MTFR1: variants seen among roughly 807,000 people sequenced by gnomAD.
The protein encoded by MTFR1 is chondrocyte protein with a poly-proline region.
In MTFR1, 28 loss-of-function variants were observed where a neutral mutation model predicts 38.8. The ratio of observed to expected loss-of-function variants is 0.72; its 90% CI spans 0.53 to 0.99. The LOEUF is 0.99. Ranked by LOEUF, MTFR1 falls within the 50% of genes least tolerant of loss-of-function variation. MTFR1 has a pLI of 0.00. For missense variants in MTFR1, 358 were observed against 395.5 expected, an observed-to-expected ratio of 0.91 and a Z score of 0.81; for synonymous variants, 145 against 137.0, an observed-to-expected ratio of 1.06 and a Z score of -0.41.
At chr8:65,700,360 AAAAAAAG>A (rs1045443488) in intron 4 of MTFR1, among the ~76,000 whole-genome samples, 26 of 151,408 alleles carry the variant, frequency 1.7e-4, no homozygotes, top group South Asian at 4.2e-4. Flanking sequence ...AAAAAAAAAA[AAAAAAAG>A]AAAAAAGAAA....
Position 65,673,900 on chromosome 8 carries a change from C to T in MTFR1, c.66+3882C>T, listed in dbSNP as rs369224551. Among the ~76,000 whole-genome samples the T allele has an allele frequency of 1.4e-4, 21 of 151,458 alleles. No homozygotes were observed. In the South Asian group the frequency reaches 4.0e-3, roughly 29 times the overall value. ...CAGCCTGGGCAACAGAGCAAGACCC[C>T]GTCTCAAAAAAAAAATAGTAATGCA... On this transcript the variant is annotated intron_variant, in intron 2 of 7. Coordinates refer to ENST00000262146, the MANE Select transcript of MTFR1 (RefSeq NM_014637.4).
intron 1 of MTFR1, among the ~76,000 whole-genome samples, chr8:65,655,009 G>A (rs950337166): frequency 1.3e-5 from 2 of 152,176 alleles, no homozygotes; most frequent in Non-Finnish European, 2.9e-5. Flanking sequence ...TGACTGCCAA[G>A]TACTTTATTT....
At chr8:65,684,338 C>T (rs867921280) in intron 3 of MTFR1, among the ~76,000 whole-genome samples, 7 of 151,518 alleles carry the variant, frequency 4.6e-5, no homozygotes, top group East Asian at 1.9e-4. Context: ...TAGTGAGAGA[C>T]GGAAGCCATT....
rs767130826 is a variant in MTFR1, at chr8:65,707,899, T to A, written c.821T>A (p.Ile274Lys). ...PVDATDPAAL[I>K]AEALKKKFAY... ...GATGCTACTGACCCTGCTGCCCTCA[T>A]AGCAGAGGCTCTGAAAAAGAAATTT... The change falls in exon 7 of 8, where the codon ATA (isoleucine) becomes AAA (lysine). Residue 274 changes from isoleucine to lysine, a missense_variant. Ile to Lys is a moderately radical substitution (Grantham distance 102). Coordinates refer to ENST00000262146, the MANE Select transcript of MTFR1 (RefSeq NM_014637.4). 4.2e-5 allele frequency: 68 copies of A among 1,614,022 alleles called. No homozygotes were observed. The highest frequency in any genetic ancestry group is 5.8e-5 in the Non-Finnish European group (68 of 1,180,012).
intron 3 of MTFR1, among the ~76,000 whole-genome samples, chr8:65,745,713 T>C (rs1807643176): frequency 6.6e-6 from 1 of 152,256 alleles, no homozygotes; most frequent in Non-Finnish European, 1.5e-5. Context: ...AGGAAGGTTA[T>C]GTTTCCCAGC....
chr8:65,755,592 C>T (rs1342837881), intron 3 of MTFR1, among the ~76,000 whole-genome samples: 1 of 152,138 alleles, frequency 6.6e-6, no homozygotes, highest in Non-Finnish European at 1.5e-5. Context: ...GTGCCCATTA[C>T]CACAGACATA....
chr8:65,727,115 G>C (rs951174761), intron 3 of MTFR1: 33 of 1,180,944 alleles, frequency 2.8e-5, no homozygotes, highest in Non-Finnish European at 4.1e-5. Flanking sequence ...TTCAAAATAT[G>C]AAAGATTTTC....
At chr8:65,715,673 C>T (rs1417868401) in intron 2 of MTFR1, among the ~76,000 whole-genome samples, 3 of 147,212 alleles carry the variant, frequency 2.0e-5, no homozygotes, top group African/African-American at 2.5e-5. Context: ...CCACCATGCC[C>T]GGCCACAAAA....
chr8:65,732,816 C>T (rs746155000), intron 3 of MTFR1, among the ~76,000 whole-genome samples: 2 of 152,182 alleles, frequency 1.3e-5, no homozygotes, highest in Non-Finnish European at 2.9e-5. Flanking sequence ...CTTGGACCTA[C>T]TTCAAATTTT....
chr8:65,663,634 A>G (rs1804278005), intron 1 of MTFR1, among the ~76,000 whole-genome samples: 1 of 151,942 alleles, frequency 6.6e-6, no homozygotes, highest in Non-Finnish European at 1.5e-5. Context: ...TGCTAAAATA[A>G]AAAAGTACTA....
intron 3 of MTFR1, among the ~76,000 whole-genome samples, chr8:65,749,284 G>A (rs1002259268): frequency 2.6e-5 from 4 of 152,250 alleles, no homozygotes; most frequent in African/African-American, 9.6e-5. Context: ...CATATAGTAA[G>A]TAATTGTAAA....
chr8:65,723,665 T>C (rs756528017), intron 3 of MTFR1: 45 of 1,343,286 alleles, frequency 3.3e-5, no homozygotes, highest in Middle Eastern at 4.9e-4. Flanking sequence ...AGAATATCTA[T>C]TGGTTAAATA....
downstream of MTFR1, among the ~76,000 whole-genome samples, chr8:65,772,615 A>G (rs1809137572): frequency 6.6e-6 from 1 of 152,228 alleles, no homozygotes; most frequent in Admixed American, 6.5e-5. Flanking sequence ...CACAAGGAAG[A>G]AACCTTAAGA....
chr8:65,707,168 G>C lies in MTFR1; in HGVS notation c.676G>C (p.Val226Leu). Residue 226 changes from valine to leucine, a missense_variant, in exon 6 of 8, where the codon GTT (valine) becomes CTT (leucine). By Grantham distance (32) the Val-to-Leu change is conservative (BLOSUM62 1). Coordinates refer to ENST00000262146, the MANE Select transcript of MTFR1 (RefSeq NM_014637.4). ...AAGAGCCAATGCTGGAAAGACTTTG[G>C]TTAAGAACAATCCAAAGAAACCTGA... is the stretch of plus-strand genomic sequence containing the variant. The part of the protein sequence containing the change: ...EKRANAGKTL[V>L]KNNPKKPEMP... 1 of 1,614,154 alleles carries C rather than the reference G, an allele frequency of 6.2e-7. No homozygotes were observed. Among genetic ancestry groups the C allele is most frequent in the Non-Finnish European group, 8.5e-7 (1 of 1,180,000 alleles).
At chr8:65,741,917 T>G (rs1807452597) in intron 3 of MTFR1, among the ~76,000 whole-genome samples, 1 of 152,154 alleles carries the variant, frequency 6.6e-6, no homozygotes, top group African/African-American at 2.4e-5. Flanking sequence ...CAAAGTGCAG[T>G]GAAGAAACAC....
At chr8:65,696,111 A>G (rs965967517) in intron 4 of MTFR1, among the ~76,000 whole-genome samples, 56 of 152,296 alleles carry the variant, frequency 3.7e-4, no homozygotes, top group African/African-American at 1.1e-3. Context: ...AGCAAGTTTC[A>G]ATTTTGTTTT....
At chr8:65,747,852 C>A in intron 3 of MTFR1, 1 of 1,288,944 alleles carries the variant, frequency 7.8e-7, no homozygotes, top group South Asian at 1.4e-5. Context: ...AAATTATACA[C>A]ATGCTATCTT....
At chr8:65,724,275 G>A (rs751639629) in intron 3 of MTFR1, 58 of 1,610,244 alleles carry the variant, frequency 3.6e-5, no homozygotes, top group Non-Finnish European at 4.4e-5. Context: ...GAATTCCTCC[G>A]TTACTTTTTC....
intron 3 of MTFR1, among the ~76,000 whole-genome samples, chr8:65,740,958 A>T (rs146216827): frequency 2.8e-4 from 42 of 152,294 alleles, no homozygotes; most frequent in African/African-American, 1.0e-3. Context: ...GAGCTGCTAC[A>T]CGCAATGGGG....
Sources: allele counts gnomAD v4.1 joint callset (sites outside exome capture counted in the v4.1 genomes callset), GRCh38; gene constraint gnomAD v4.1.1; transcripts MANE v1.5; gene names NCBI Gene and HGNC (gene_info 2026-07-23, HGNC 2026-07-21).